GSTM5: variants seen among roughly 807,000 people sequenced by gnomAD.
GSTM5 encodes glutathione S-transferase mu 5, also known as GST class-mu 5.
Under a neutral mutation model 29.0 loss-of-function variants are expected in GSTM5, and 24 were observed. The observed-to-expected ratio is 0.83, with a 90% CI of 0.60 to 1.16. The LOEUF (loss-of-function observed/expected upper bound fraction) is 1.16, where lower values mean the gene tolerates loss of function less well. Among genes scored for constraint, GSTM5 ranks in the 50% most tolerant of loss-of-function variants. The pLI, the probability that GSTM5 is intolerant of heterozygous loss-of-function variation, is 0.00. For missense variants in GSTM5, 290 were observed against 263.0 expected (o/e 1.10, Z -0.71); for synonymous variants, 91 against 93.6 (o/e 0.97, Z 0.16).
In GSTM5 at chr1:109,715,033, A is replaced by G. The variant is rs749306864; in HGVS notation, c.447A>G (p.Ala149=). Residue 149 remains alanine (A), a synonymous_variant, in exon 6 of 8, where the codon GCA becomes GCG. Transcript: ENST00000256593. ...SEFLGKRPWF[A]GDKITFVDFL... ...TTCTGGGGAAGCGGCCATGGTTTGC[A>G]GGAGACAAGGTAAAGGAGGAGTGAT... The G allele has an allele frequency of 6.2e-7, 1 of 1,614,282 alleles. No individual in the cohort carries two copies. The highest frequency in any genetic ancestry group is 1.3e-5 in the African/African-American group (1 of 75,078).
At chr1:109,713,334 G>T in intron 3 of GSTM5, 150 bp from the exon 4 acceptor site, 1 of 1,380,910 alleles carries the variant, frequency 7.2e-7, no homozygotes, top group Non-Finnish European at 1.0e-6. Context: ...ATGATGTTCT[G>T]TGTCCCAGCT....
chr1:109,717,439 C>A lies in GSTM5; in HGVS notation c.*13C>A, dbSNP rs977293777. The A allele has an allele frequency of 1.9e-6, 3 of 1,599,798 alleles. No individual in the cohort carries two copies. Among genetic ancestry groups the A allele is most frequent in the Non-Finnish European group, 8.6e-7 (1 of 1,167,204 alleles). On this transcript the variant is annotated 3_prime_UTR_variant, in exon 8 of 8. Coordinates refer to ENST00000256593, the MANE Select transcript of GSTM5 (RefSeq NM_000851.4). ...GAACAGCAAATAGGGCCCAGTGATG[C>A]CAGAAGATGGGAGGGAGGAGCCAAC...
intron 1 of GSTM5, 41 bp from the exon 2 acceptor site, chr1:109,712,577 A>G: frequency 6.2e-7 from 1 of 1,605,794 alleles, no homozygotes; most frequent in African/African-American, 1.3e-5. Context: ...CAAGTCAGGG[A>G]CCCTCCATCT....
At chr1:109,715,649 C>A (rs533126651) in intron 7 of GSTM5, 3 of 635,754 alleles carry the variant, frequency 4.7e-6, no homozygotes, top group South Asian at 4.2e-5. Context: ...AGAGGCAGAG[C>A]ACTTCAGGAC....
intron 7 of GSTM5, 121 bp downstream of exon 7, chr1:109,715,361 C>A (rs1290134592): frequency 6.3e-7 from 1 of 1,599,230 alleles, no homozygotes; most frequent in East Asian, 2.3e-5. Flanking sequence ...GGGCTTCATG[C>A]CAGGAATCAT....
chr1:109,712,324 T>A lies in GSTM5; in HGVS notation c.12T>A (p.Thr4=), dbSNP rs762580376. The change falls in exon 1 of 8, where the codon ACT becomes ACA. Residue 4 remains threonine (T), a synonymous_variant. Coordinates refer to ENST00000256593, the MANE Select transcript of GSTM5 (RefSeq NM_000851.4). ...CACCAACCAGCACCATGCCCATGAC[T>A]CTGGGGTACTGGGACATCCGTGGGG... The part of the protein sequence containing the change: MPM[T]LGYWDIRGLA... The A allele has an allele frequency of 7.4e-6, 12 of 1,613,794 alleles. No homozygotes were observed. Among genetic ancestry groups the A allele is most frequent in the Admixed American group, 5.0e-5 (3 of 60,000 alleles).
intron 7 of GSTM5, chr1:109,715,764 C>T (rs1323328398): frequency 1.5e-5 from 6 of 404,882 alleles, no homozygotes; most frequent in East Asian, 6.1e-5. Flanking sequence ...TTTGCATGAT[C>T]GGACCCCCAT....
At chr1:109,717,042 G>A (rs759705700) in intron 7 of GSTM5, 18 of 258,434 alleles carry the variant, frequency 7.0e-5, no homozygotes, top group Non-Finnish European at 1.2e-4. Context: ...TGACCATGGA[G>A]GGTAGTCGAG....
chr1:109,715,415 C>T (rs775737513), intron 7 of GSTM5, 175 bp downstream of exon 7: 1 of 1,552,772 alleles, frequency 6.4e-7, no homozygotes, highest in South Asian at 1.2e-5. Context: ...AAATTTCCAA[C>T]ATTCCTACAG....
rs146232109 is a variant in GSTM5 at position 109,713,514 on chromosome 1, A to G, written c.208A>G (p.Ile70Val). Residue 70 changes from isoleucine to valine, a missense_variant, in exon 4 of 8, where the codon ATC becomes GTC. Physicochemically the swap from Ile to Val is conservative, Grantham distance 29. Coordinates refer to ENST00000256593, the MANE Select transcript of GSTM5 (RefSeq NM_000851.4). ...LPYLIDGAHKITQSNAILRYI... is the reference protein window; with the variant it reads ...LPYLIDGAHKVTQSNAILRYI... ...CTACTTGATTGATGGGGCTCACAAG[A>G]TCACCCAGAGCAATGCCATCCTGCG... 8.7e-6 allele frequency: 14 copies of G among 1,614,178 alleles called. No homozygotes were observed. In the African/African-American group the frequency reaches 1.5e-4, roughly 17 times the overall value.
intron 7 of GSTM5, 75 bp downstream of exon 7, chr1:109,715,315 G>A (rs778197170): frequency 1.2e-6 from 2 of 1,613,874 alleles, no homozygotes; most frequent in Non-Finnish European, 1.7e-6. Context: ...CCCAGTCCTG[G>A]AGCTACACAA....
Position 109,718,042 on chromosome 1 carries a change from G to C in GSTM5, c.*616G>C, listed in dbSNP as rs1648812678. On this transcript the variant is annotated 3_prime_UTR_variant, in exon 8 of 8. Transcript: ENST00000256593. ...TAGCCACATCCCTCTGTTCCTCACT[G>C]TGGGGATTACTACAGAAAGGTGCTC... 1 of 152,580 alleles carries C rather than the reference G, an allele frequency of 6.6e-6. No individual in the cohort carries two copies. Among genetic ancestry groups the C allele is most frequent in the Non-Finnish European group, 1.5e-5 (1 of 68,402 alleles). 9.5% of individuals were successfully genotyped at this position (152,580 alleles called of 1,614,324 possible). A position where few individuals can be genotyped will look rare whatever the true frequency, so the allele number is the denominator to read the frequency against.
intron 6 of GSTM5, 36 bp from the exon 7 acceptor site, chr1:109,715,094 G>C (rs762006092): frequency 6.2e-7 from 1 of 1,614,042 alleles, no homozygotes; most frequent in South Asian, 1.1e-5. Flanking sequence ...CATGTGTTTC[G>C]GGGTTTTCAG....
upstream of GSTM5, chr1:109,712,166 G>A (rs530772271): frequency 7.4e-5 from 64 of 869,804 alleles, no homozygotes; most frequent in East Asian, 1.5e-3. Context: ...GCGCTCGCTC[G>A]GGGGCCTACA....
In GSTM5 at chr1:109,717,618, C is replaced by G. The variant is rs1019542494; in HGVS notation, c.*192C>G. The G allele has an allele frequency of 2.6e-5, 14 of 545,338 alleles. No individual in the cohort carries two copies. The highest frequency in any genetic ancestry group is 9.8e-4 in the Middle Eastern group (2 of 2,044). The allele number at this position is 545,338 out of a possible 1,614,324, so 33.8% of individuals were successfully genotyped here. A position where few individuals can be genotyped will look rare whatever the true frequency, so the allele number is the denominator to read the frequency against. ...GCATCGAGGCTCTTTAAAGCTTCAG[C>G]TCCCCACTGTCCTCCATCAAAGTCC... On this transcript the variant is annotated 3_prime_UTR_variant, in exon 8 of 8. Transcript: ENST00000256593.
Position 109,713,691 on chromosome 1 carries a change from T to G in GSTM5, c.290T>G (p.Val97Gly), listed in dbSNP as rs151047871. 6 of 1,613,896 alleles carry G rather than the reference T, an allele frequency of 3.7e-6. No individual in the cohort carries two copies. In the East Asian group the frequency reaches 1.3e-4, roughly 36 times the overall value. ...CGETEEEKIRVDILENQVMDN... is the reference protein window; with the variant it reads ...CGETEEEKIRGDILENQVMDN... ...GAGACAGAAGAGGAGAAGATTCGTG[T>G]GGACATTTTGGAGAACCAGGTTATG... Residue 97 changes from valine to glycine, a missense_variant, in exon 5 of 8, where the codon GTG becomes GGG. Val to Gly is a moderately radical substitution (Grantham distance 109). Coordinates refer to ENST00000256593, the MANE Select transcript of GSTM5 (RefSeq NM_000851.4).
upstream of GSTM5, among the ~76,000 whole-genome samples, chr1:109,712,093 G>T (rs1216434596): frequency 6.6e-6 from 1 of 152,192 alleles, no homozygotes; most frequent in Admixed American, 6.5e-5. Context: ...TGGGCGCCCT[G>T]ACCTCGCTCC....
chr1:109,713,746 C>T lies in GSTM5; in HGVS notation c.345C>T (p.Cys115=). ...ACCACATGGAGCTGGTCAGACTGTGCTATGACCCAGATTTTGTGAGTCCCA... is the reference window on the plus strand; with the variant it reads ...ACCACATGGAGCTGGTCAGACTGTGTTATGACCCAGATTTTGTGAGTCCCA... The part of the protein sequence containing the change: ...MDNHMELVRL[C]YDPDFEKLKP... Residue 115 remains cysteine, a synonymous_variant, in exon 5 of 8, where the codon TGC becomes TGT. Coordinates refer to ENST00000256593, the MANE Select transcript of GSTM5 (RefSeq NM_000851.4). 1 of 1,612,760 alleles carries T rather than the reference C, an allele frequency of 6.2e-7. No individual in the cohort carries two copies. Among genetic ancestry groups the T allele is most frequent in the Non-Finnish European group, 8.5e-7 (1 of 1,179,464 alleles).
intron 5 of GSTM5, chr1:109,714,525 T>C (rs1407771762): frequency 5.0e-6 from 1 of 201,638 alleles, no homozygotes; most frequent in East Asian, 1.2e-4. Context: ...CTTGAACTTC[T>C]CATCTCCCTG....
Sources: allele counts gnomAD v4.1 joint callset (sites outside exome capture counted in the v4.1 genomes callset), GRCh38; gene constraint gnomAD v4.1.1; transcripts MANE v1.5; gene names NCBI Gene and HGNC (gene_info 2026-07-23, HGNC 2026-07-21).